ANKFN1: variants seen among roughly 807,000 people sequenced by gnomAD.
The protein encoded by ANKFN1 is ankyrin repeat and fibronectin type-III domain-containing protein 1.
Under a neutral mutation model 108.7 loss-of-function variants are expected in ANKFN1, and 74 were observed. The observed-to-expected ratio is 0.68, with a 90% CI of 0.56 to 0.83. The LOEUF (loss-of-function observed/expected upper bound fraction) is 0.83, where lower values mean the gene tolerates loss of function less well. Among genes scored for constraint, ANKFN1 ranks in the 40% least tolerant of loss-of-function variants. ANKFN1 has a pLI of 0.00. For synonymous variants in ANKFN1, 547 were observed against 516.2 expected (o/e 1.06, Z -0.81); for missense variants, 1,505 against 1,382.3 (o/e 1.09, Z -1.41).
chr17:56,126,605 A>T (rs1254592569), intron 4 of ANKFN1, among the ~76,000 whole-genome samples: 1 of 152,196 alleles, frequency 6.6e-6, no homozygotes, highest in Non-Finnish European at 1.5e-5. Flanking sequence ...ATACAGACCG[A>T]CCAGGGGACA....
intron 15 of ANKFN1, among the ~76,000 whole-genome samples, chr17:56,474,120 T>C (rs965011668): frequency 6.6e-6 from 1 of 152,198 alleles, no homozygotes; most frequent in African/African-American, 2.4e-5. Flanking sequence ...ACCCACAAAT[T>C]TGATGCACAC....
At chr17:56,207,546 T>C (rs549906034) in intron 1 of ANKFN1, among the ~76,000 whole-genome samples, 2 of 152,324 alleles carry the variant, frequency 1.3e-5, no homozygotes, top group African/African-American at 4.8e-5. Context: ...GCTACTTCAT[T>C]GATAGCCAGA....
chr17:56,505,386 G>T (rs946892947), intron 20 of ANKFN1, among the ~76,000 whole-genome samples: 1 of 152,170 alleles, frequency 6.6e-6, no homozygotes, highest in African/African-American at 2.4e-5. Context: ...AGCACAAGAG[G>T]TTACTAATAC....
At chr17:56,253,024 C>T (rs1036288387) in intron 3 of ANKFN1, among the ~76,000 whole-genome samples, 9 of 152,176 alleles carry the variant, frequency 5.9e-5, no homozygotes, top group Admixed American at 1.3e-4. Flanking sequence ...GTTTGTGTCA[C>T]TGCATCCAAC....
chr17:56,091,851 A>C (rs1056039827), intron 4 of ANKFN1, among the ~76,000 whole-genome samples: 1 of 151,346 alleles, frequency 6.6e-6, no homozygotes, highest in Non-Finnish European at 1.5e-5. Flanking sequence ...TTGATATGTA[A>C]TCCCCTGTAA....
At chr17:56,252,496 C>T (rs2043256541) in intron 3 of ANKFN1, among the ~76,000 whole-genome samples, 2 of 152,068 alleles carry the variant, frequency 1.3e-5, no homozygotes, top group Non-Finnish European at 2.9e-5. Context: ...ATTGATGGAC[C>T]AGGTATGGTG....
chr17:56,245,633 G>T (rs557142018), intron 3 of ANKFN1: 1 of 152,114 alleles, frequency 6.6e-6, no homozygotes, highest in South Asian at 2.1e-4. Context: ...GTTTTATCTG[G>T]ATAAAAATTC....
intron 4 of ANKFN1, among the ~76,000 whole-genome samples, chr17:56,110,290 G>A (rs1355632530): frequency 1.3e-5 from 2 of 152,012 alleles, no homozygotes; most frequent in African/African-American, 4.8e-5. Flanking sequence ...GAAGGCTCCC[G>A]TCCCATTTAT....
At chr17:56,113,941 G>A (rs1464532185) in intron 4 of ANKFN1, among the ~76,000 whole-genome samples, 1 of 152,116 alleles carries the variant, frequency 6.6e-6, no homozygotes, top group Non-Finnish European at 1.5e-5. Context: ...TCTTCTAATT[G>A]CAAACTAATT....
intron 19 of ANKFN1, among the ~76,000 whole-genome samples, chr17:56,495,833 G>A (rs2051185009): frequency 6.6e-6 from 1 of 152,164 alleles, no homozygotes; most frequent in Non-Finnish European, 1.5e-5. Context: ...GCTGTGCTGT[G>A]AGAAAACCAA....
chr17:56,496,336 GA>G (rs1443239712), intron 19 of ANKFN1, among the ~76,000 whole-genome samples: 1 of 152,120 alleles, frequency 6.6e-6, no homozygotes, highest in Non-Finnish European at 1.5e-5. Context: ...AGAGCAGGTA[GA>G]TTATTTATTA....
At chr17:56,237,671 T>C (rs930584532) in intron 3 of ANKFN1, among the ~76,000 whole-genome samples, 2 of 152,288 alleles carry the variant, frequency 1.3e-5, no homozygotes, top group South Asian at 4.1e-4. Flanking sequence ...ATCTTCTCTC[T>C]TTTCTTCTTC....
intron 10 of ANKFN1, among the ~76,000 whole-genome samples, chr17:56,446,513 A>G (rs2049293981): frequency 6.6e-6 from 1 of 152,128 alleles, no homozygotes; most frequent in African/African-American, 2.4e-5. Context: ...ATCCTTTCCT[A>G]TCTTATCCTA....
chr17:56,186,566 A>G (rs1261571049), intron 1 of ANKFN1, among the ~76,000 whole-genome samples: 3 of 152,254 alleles, frequency 2.0e-5, no homozygotes, highest in Non-Finnish European at 2.9e-5. Context: ...AATCGTAGCA[A>G]AAATCTCTAA....
chr17:56,153,431 C>A, upstream of ANKFN1: 1 of 1,562,434 alleles, frequency 6.4e-7, no homozygotes, highest in Non-Finnish European at 8.8e-7. Flanking sequence ...GGCAACGGGA[C>A]CGTGTGGACA....
chr17:56,394,873 G>A (rs908536264), intron 8 of ANKFN1, among the ~76,000 whole-genome samples: 2 of 152,128 alleles, frequency 1.3e-5, no homozygotes, highest in African/African-American at 4.8e-5. Flanking sequence ...AATAGTCCGC[G>A]ACTGCTTTCT....
At chr17:56,236,233 A>G (rs1917134673) in intron 3 of ANKFN1, among the ~76,000 whole-genome samples, 1 of 151,574 alleles carries the variant, frequency 6.6e-6, no homozygotes, top group Admixed American at 6.6e-5. Context: ...ACTTTTTTGT[A>G]TTTTTAGTAG....
chr17:56,375,394 C>T (rs2046919699), intron 8 of ANKFN1, among the ~76,000 whole-genome samples: 1 of 152,056 alleles, frequency 6.6e-6, no homozygotes, highest in Non-Finnish European at 1.5e-5. Flanking sequence ...AATAGCATGG[C>T]TCCGAAAAAG....
chr17:56,179,399 T>C (rs1310382700), intron 1 of ANKFN1, among the ~76,000 whole-genome samples: 1 of 152,194 alleles, frequency 6.6e-6, no homozygotes, highest in African/African-American at 2.4e-5. Flanking sequence ...GACCTGGCCT[T>C]GTTTGGTACA....
Sources: allele counts gnomAD v4.1 joint callset (sites outside exome capture counted in the v4.1 genomes callset), GRCh38; gene constraint gnomAD v4.1.1; transcripts MANE v1.5; gene names NCBI Gene and HGNC (gene_info 2026-07-23, HGNC 2026-07-21).